ESR1: variants seen among roughly 807,000 people sequenced by gnomAD.
ESR1 encodes estrogen receptor 1.
A neutral mutation model predicts 52.7 loss-of-function variants in ESR1; 12 were observed. The ratio of observed to expected loss-of-function variants is 0.23; its 90% CI spans 0.15 to 0.37. The LOEUF is 0.37. Among genes scored for constraint, ESR1 ranks in the 10% least tolerant of loss-of-function variants. ESR1 has a pLI of 1.00. For synonymous variants in ESR1, 305 were observed against 316.8 expected, an observed-to-expected ratio of 0.96 and a Z score of 0.39; for missense variants, 584 against 779.7, an observed-to-expected ratio of 0.75 and a Z score of 2.99.
chr6:152,096,042 G>T (rs2050584901), intron 7 of ESR1, among the ~76,000 whole-genome samples: 1 of 152,176 alleles, frequency 6.6e-6, no homozygotes, highest in African/African-American at 2.4e-5. Context: ...ATTCCCATAA[G>T]TAGACCTCAT....
At chr6:151,714,781 C>A (rs1289274658) in intron 2 of ESR1, among the ~76,000 whole-genome samples, 2 of 152,118 alleles carry the variant, frequency 1.3e-5, no homozygotes, top group African/African-American at 4.8e-5. Flanking sequence ...TGGGTCTTGA[C>A]TCTTTATCCA....
At chr6:151,904,360 T>G (rs1429511762) in intron 3 of ESR1, among the ~76,000 whole-genome samples, 1 of 152,230 alleles carries the variant, frequency 6.6e-6, no homozygotes, top group Non-Finnish European at 1.5e-5. Flanking sequence ...TGAATAATTT[T>G]GTTAGCAGCT....
chr6:151,702,707 TA>T (rs1458935242), intron 2 of ESR1, among the ~76,000 whole-genome samples: 2 of 152,248 alleles, frequency 1.3e-5, no homozygotes, highest in Non-Finnish European at 1.5e-5. Context: ...GTAATTACAT[TA>T]TTTTTTATTT....
At chr6:151,878,806 A>G (rs955409344) in intron 2 of ESR1, among the ~76,000 whole-genome samples, 3 of 152,190 alleles carry the variant, frequency 2.0e-5, no homozygotes, top group African/African-American at 7.2e-5. Context: ...GACAGACTTT[A>G]TAAAAACATG....
Position 151,720,987 on chromosome 6 carries a change from A to G in ESR1, c.-71+18982A>G, listed in dbSNP as rs919330178. 2.6e-5 allele frequency among the ~76,000 whole-genome samples: 4 copies of G among 152,228 alleles called. No individual in the cohort carries two copies. In the South Asian group the frequency reaches 6.2e-4, roughly 24 times the overall value. On this transcript the variant is annotated intron_variant, in intron 2 of 2. Coordinates refer to the ESR1 transcript ENST00000404742. ...AATATAAAGAGAATATGTAAACATC[A>G]ACACAACATATCTCCTAGTATGGGC...
chr6:152,036,792 A>G (rs3020432), intron 5 of ESR1, among the ~76,000 whole-genome samples: 66,843 of 152,022 alleles, frequency 0.44, 16,647 homozygotes, highest in African/African-American at 0.67. Context: ...TAAAGTGTGG[A>G]TGGAAGACAA....
chr6:152,003,481 A>G (rs1311968722), intron 4 of ESR1, among the ~76,000 whole-genome samples: 2 of 151,914 alleles, frequency 1.3e-5, no homozygotes, highest in Non-Finnish European at 2.9e-5. Context: ...TCCAGAAACA[A>G]GTAGGAGTGA....
chr6:152,081,789 G>C (rs1038512990), intron 6 of ESR1, among the ~76,000 whole-genome samples: 3 of 151,914 alleles, frequency 2.0e-5, no homozygotes, highest in Admixed American at 2.0e-4. Context: ...AATGATAAAG[G>C]GATATCACCA....
intron 6 of ESR1, among the ~76,000 whole-genome samples, chr6:152,123,538 A>C (rs750923461): frequency 3.3e-5 from 5 of 152,212 alleles, no homozygotes; most frequent in Non-Finnish European, 5.9e-5. Context: ...TGCCTGGAAA[A>C]TACAGAATCT....
intron 4 of ESR1, among the ~76,000 whole-genome samples, chr6:151,951,365 T>G (rs1467143563): frequency 2.0e-5 from 3 of 152,194 alleles, no homozygotes; most frequent in Non-Finnish European, 4.4e-5. Context: ...TAAGAGCTTT[T>G]AAAGTAGGGG....
At chr6:151,914,665 C>T (rs1195755541) in intron 3 of ESR1, among the ~76,000 whole-genome samples, 3 of 152,098 alleles carry the variant, frequency 2.0e-5, no homozygotes, top group Admixed American at 6.5e-5. Context: ...TTTTGTCAGT[C>T]CCTAGTGACA....
chr6:151,794,818 G>A (rs1734500534), intron 2 of ESR1, among the ~76,000 whole-genome samples: 1 of 152,092 alleles, frequency 6.6e-6, no homozygotes, highest in Non-Finnish European at 1.5e-5. Context: ...TGTCCCCAGA[G>A]AAACATTGCT....
chr6:151,755,519 C>T (rs1055258979), intron 2 of ESR1, among the ~76,000 whole-genome samples: 51 of 152,288 alleles, frequency 3.3e-4, no homozygotes, highest in Non-Finnish European at 6.3e-4. Flanking sequence ...GTGTTGGAGC[C>T]GCCGCAGAGC....
chr6:151,810,051 C>T (rs952660714), intron 1 of ESR1, among the ~76,000 whole-genome samples: 1 of 152,048 alleles, frequency 6.6e-6, no homozygotes, highest in Non-Finnish European at 1.5e-5. Context: ...ATTAATGCTG[C>T]TGAATTTCAA....
Position 152,083,021 on chromosome 6 carries a change from G to A in ESR1, c.1370-11364G>A, listed in dbSNP as rs574004229. ...CGTGGATAGGAATAATCAATATCAC[G>A]AAAATGGTCATACTGCCCAAGGTAA... On this transcript the variant is annotated intron_variant, in intron 6 of 7. Transcript: ENST00000206249. Among the ~76,000 whole-genome samples, 14 of 152,256 alleles carry A rather than the reference G, an allele frequency of 9.2e-5. No homozygotes were observed. In the South Asian group the frequency reaches 1.0e-3, roughly 11 times the overall value.
chr6:152,045,416 A>G (rs998562521), intron 5 of ESR1, among the ~76,000 whole-genome samples: 2 of 152,192 alleles, frequency 1.3e-5, no homozygotes, highest in African/African-American at 4.8e-5. Context: ...GTTCAGATCC[A>G]CTGGTGTTAG....
intron 1 of ESR1, among the ~76,000 whole-genome samples, chr6:151,665,093 G>A (rs559624334): frequency 5.8e-4 from 89 of 152,232 alleles, no homozygotes; most frequent in African/African-American, 2.1e-3. Context: ...ATCAAGTTTT[G>A]TGAACACCAA....
At position 151,807,834 on chromosome 6, in the gene ESR1, T is replaced by C. The variant is rs1778133785; in HGVS notation, c.-79T>C. ...TCGCCTCTAACCTCGGGCTGTGCTCTTTTTCCAGGTGGCCCGCCGGTTTCT... is the reference window on the plus strand; with the variant it reads ...TCGCCTCTAACCTCGGGCTGTGCTCCTTTTCCAGGTGGCCCGCCGGTTTCT... On this transcript the variant is annotated 5_prime_UTR_variant, in exon 1 of 8. Coordinates refer to ENST00000206249, the MANE Select transcript of ESR1 (RefSeq NM_000125.4). The C allele has an allele frequency of 5.3e-6, 7 of 1,326,252 alleles. No individual in the cohort carries two copies. The highest frequency in any genetic ancestry group is 7.5e-6 in the Non-Finnish European group (7 of 937,914). 82.2% of individuals were successfully genotyped at this position (1,326,252 alleles called of 1,614,324 possible). A position where few individuals can be genotyped will look rare whatever the true frequency, so the allele number is the denominator to read the frequency against.
At chr6:151,857,765 G>A (rs1788129975) in intron 2 of ESR1, among the ~76,000 whole-genome samples, 1 of 152,074 alleles carries the variant, frequency 6.6e-6, no homozygotes, top group Non-Finnish European at 1.5e-5. Flanking sequence ...CTGACCTCAA[G>A]TGATTTGCCT....
Sources: allele counts gnomAD v4.1 joint callset (sites outside exome capture counted in the v4.1 genomes callset), GRCh38; gene constraint gnomAD v4.1.1; transcripts MANE v1.5; gene names NCBI Gene and HGNC (gene_info 2026-07-23, HGNC 2026-07-21).